EEF1AKMT1: variants seen among roughly 807,000 people sequenced by gnomAD.
EEF1AKMT1 encodes N-6 adenine-specific DNA methyltransferase 2 (putative).
EEF1AKMT1 carries 18 observed loss-of-function variants against 21.0 expected under a neutral mutation model. That is an observed-to-expected ratio of 0.86 (90% CI 0.59 to 1.27). The LOEUF (loss-of-function observed/expected upper bound fraction) is 1.27. Among genes scored for constraint, EEF1AKMT1 ranks in the 50% most tolerant of loss-of-function variants. The pLI is 0.00. For synonymous variants in EEF1AKMT1, 109 were observed against 94.8 expected (o/e 1.15, Z -0.87); for missense variants, 246 against 258.6 (o/e 0.95, Z 0.33).
At chr13:20,735,559 A>G (rs1280354885) in intron 3 of EEF1AKMT1, among the ~76,000 whole-genome samples, 1 of 152,134 alleles carries the variant, frequency 6.6e-6, no homozygotes, top group Non-Finnish European at 1.5e-5. Flanking sequence ...TCCCTGGACC[A>G]CTGACAAAAC....
chr13:20,765,545 T>C (rs949873679), intron 1 of EEF1AKMT1, among the ~76,000 whole-genome samples: 2 of 150,618 alleles, frequency 1.3e-5, no homozygotes, highest in Non-Finnish European at 3.0e-5. Context: ...CCCCAGTGGC[T>C]GCGATTACAA....
intron 2 of EEF1AKMT1, among the ~76,000 whole-genome samples, chr13:20,756,856 A>C (rs887941752): frequency 6.6e-6 from 1 of 152,068 alleles, no homozygotes; most frequent in Non-Finnish European, 1.5e-5. Context: ...CATACTCACA[A>C]ACCAACAGCA....
intron 4 of EEF1AKMT1, among the ~76,000 whole-genome samples, chr13:20,730,197 G>T (rs1432943107): frequency 1.3e-5 from 2 of 152,218 alleles, no homozygotes; most frequent in East Asian, 3.9e-4. Flanking sequence ...ACTCCATGAG[G>T]CCAGAGCGCT....
intron 2 of EEF1AKMT1, among the ~76,000 whole-genome samples, chr13:20,741,999 T>C (rs1357770358): frequency 6.6e-6 from 1 of 152,206 alleles, no homozygotes; most frequent in South Asian, 2.1e-4. Context: ...GTGATTTAAT[T>C]ATTCCTGTTA....
intron 2 of EEF1AKMT1, among the ~76,000 whole-genome samples, chr13:20,752,393 A>G (rs1249346422): frequency 6.6e-6 from 1 of 152,136 alleles, no homozygotes; most frequent in Non-Finnish European, 1.5e-5. Flanking sequence ...TTCTGCAGCT[A>G]TTGAGATGAT....
intron 3 of EEF1AKMT1, among the ~76,000 whole-genome samples, chr13:20,737,149 A>G (rs1363610582): frequency 1.3e-5 from 2 of 152,044 alleles, no homozygotes; most frequent in Non-Finnish European, 2.9e-5. Flanking sequence ...GTGGATCACA[A>G]GGTCAGGAGT....
chr13:20,747,801 A>G lies in EEF1AKMT1; in HGVS notation c.144+9654T>C, dbSNP rs570848181. The G allele has an allele frequency of 1.1e-3, 172 of 158,096 alleles. 1 individual carries two copies. The highest frequency in any genetic ancestry group is 1.5e-3 in the Non-Finnish European group (104 of 70,102). 9.8% of individuals were successfully genotyped at this position (158,096 alleles called of 1,614,324 possible). On this transcript the variant is annotated intron_variant, in intron 2 of 4. Coordinates refer to ENST00000382758, the MANE Select transcript of EEF1AKMT1 (RefSeq NM_001318939.2). ...GTAAGTAACTCTCGATATCACATCA[A>G]ACATTATAATGGCATGCTGGGCTTG...
chr13:20,773,480 G>C (rs1001268588), intron 1 of EEF1AKMT1, among the ~76,000 whole-genome samples: 6 of 152,186 alleles, frequency 3.9e-5, no homozygotes, highest in Non-Finnish European at 7.3e-5. Flanking sequence ...CTCCAGGAGC[G>C]GACAGTCAGG....
Position 20,756,550 on chromosome 13 carries a change from C to A in EEF1AKMT1, c.144+905G>T, listed in dbSNP as rs546282279. On this transcript the variant is annotated intron_variant, in intron 2 of 4. Transcript: ENST00000382758. ...GGTGTATCTGTAGCCAAAAATGAAG[C>A]AGAAGTTTGTATTGGATGTAATAAC... is the stretch of plus-strand genomic sequence containing the variant. Among the ~76,000 whole-genome samples the A allele has an allele frequency of 1.3e-4, 20 of 152,262 alleles. No individual in the cohort carries two copies. The South Asian group carries it at 3.7e-3, about 28-fold the overall frequency.
At chr13:20,761,761 C>T (rs973454099) in intron 1 of EEF1AKMT1, among the ~76,000 whole-genome samples, 1 of 152,066 alleles carries the variant, frequency 6.6e-6, no homozygotes, top group Non-Finnish European at 1.5e-5. Context: ...TTTTGAAATG[C>T]CTATTGAAGT....
At chr13:20,763,498 G>T (rs1023289624) in intron 1 of EEF1AKMT1, among the ~76,000 whole-genome samples, 5 of 151,892 alleles carry the variant, frequency 3.3e-5, no homozygotes, top group African/African-American at 1.2e-4. Context: ...TGTCGCCCAG[G>T]CTGGAGTGCA....
intron 4 of EEF1AKMT1, 150 bp downstream of exon 4, chr13:20,731,691 G>A (rs963626185): frequency 2.5e-6 from 2 of 790,206 alleles, no homozygotes; most frequent in Non-Finnish European, 4.0e-6. Flanking sequence ...ATCAGTCCTA[G>A]TTTACAGATA....
chr13:20,773,642 T>C (rs2059074515), intron 1 of EEF1AKMT1, among the ~76,000 whole-genome samples: 1 of 152,204 alleles, frequency 6.6e-6, no homozygotes, highest in Non-Finnish European at 1.5e-5. Context: ...CAAGGCTGCC[T>C]AAGGCCCGGG....
chr13:20,758,671 T>A (rs967387868), intron 1 of EEF1AKMT1, among the ~76,000 whole-genome samples: 1 of 151,884 alleles, frequency 6.6e-6, no homozygotes, highest in Non-Finnish European at 1.5e-5. Flanking sequence ...TTAAAAAAAA[T>A]TCTAAAATTC....
intron 1 of EEF1AKMT1, among the ~76,000 whole-genome samples, chr13:20,766,952 CTACA>C (rs1299960682): frequency 1.3e-5 from 2 of 152,158 alleles, no homozygotes; most frequent in African/African-American, 2.4e-5. Context: ...AAATGCCACA[CTACA>C]TTGTTAAATT....
rs374678765 is a variant in EEF1AKMT1, at chr13:20,729,019, A to G, written c.*61T>C. 4.9e-5 allele frequency: 78 copies of G among 1,603,160 alleles called. No individual in the cohort carries two copies. The East Asian group carries it at 6.9e-4, about 14-fold the overall frequency. On this transcript the variant is annotated 3_prime_UTR_variant, in exon 5 of 5. Transcript: ENST00000382758. ...AGAGATTATAACTTTTAAATCTACTACGAAAATACAAAAAGAGGAATGTGA... is the reference window on the plus strand; with the variant it reads ...AGAGATTATAACTTTTAAATCTACTGCGAAAATACAAAAAGAGGAATGTGA...
At chr13:20,729,538 G>C (rs1392371021) in intron 4 of EEF1AKMT1, among the ~76,000 whole-genome samples, 1 of 151,598 alleles carries the variant, frequency 6.6e-6, no homozygotes, top group African/African-American at 2.4e-5. Flanking sequence ...CATATGGAAA[G>C]CAAAAATAAT....
intron 2 of EEF1AKMT1, among the ~76,000 whole-genome samples, chr13:20,739,115 G>T (rs549576389): frequency 6.6e-6 from 1 of 152,092 alleles, no homozygotes; most frequent in East Asian, 1.9e-4. Context: ...TCGCCAAGAG[G>T]ATTACAACTC....
intron 3 of EEF1AKMT1, among the ~76,000 whole-genome samples, chr13:20,735,843 G>A (rs2058823248): frequency 6.6e-6 from 1 of 151,940 alleles, no homozygotes; most frequent in African/African-American, 2.4e-5. Flanking sequence ...CAATAATAAA[G>A]AAATACTCAA....
Sources: gnomAD v4.1 joint callset for allele counts (sites outside exome capture counted in the v4.1 genomes callset) on GRCh38, gnomAD v4.1.1 for gene constraint, MANE v1.5 for transcripts, NCBI Gene and HGNC (gene_info 2026-07-23, HGNC 2026-07-21) for gene names.